Variants in TREH observed in about 807,000 individuals in gnomAD.
The protein encoded by TREH is alpha,alpha-trehalose glucohydrolase.
Under a neutral mutation model 80.5 loss-of-function variants are expected in TREH, and 69 were observed. The observed-to-expected ratio is 0.86, with a 90% CI of 0.71 to 1.05. The LOEUF is 1.05. Among genes scored for constraint, TREH ranks in the 50% least tolerant of loss-of-function variants. The probability of loss-of-function intolerance (pLI) is 0.00; values close to 1 mark genes in which losing one functional copy is unlikely to be tolerated. For missense variants in TREH, 716 were observed against 718.8 expected, an observed-to-expected ratio of 1.00 and a Z score of 0.04; for synonymous variants, 309 against 293.5, an observed-to-expected ratio of 1.05 and a Z score of -0.54.
At chr11:118,679,301 T>C (rs1949510900) in intron 1 of TREH, among the ~76,000 whole-genome samples, 1 of 151,976 alleles carries the variant, frequency 6.6e-6, no homozygotes, top group Non-Finnish European at 1.5e-5. Flanking sequence ...GGTGCCACTG[T>C]ACTCCATCTG....
intron 1 of TREH, 46 bp from the exon 2 acceptor site, chr11:118,663,485 C>A: frequency 6.9e-7 from 1 of 1,450,424 alleles, no homozygotes; most frequent in South Asian, 1.2e-5. Context: ...ACCACCACCC[C>A]ATTAGGACAG....
rs142066582 is a variant in TREH at position 118,674,573 on chromosome 11, G to A, written c.89+4966C>T. ...TGTTTTGTTTTTGAGATGGAGTTTCGCTCTTGTTGCCCAAGCTGGAGTGCA... is the reference window on the plus strand; with the variant it reads ...TGTTTTGTTTTTGAGATGGAGTTTCACTCTTGTTGCCCAAGCTGGAGTGCA... On this transcript the variant is annotated intron_variant, in intron 1 of 14. Transcript: ENST00000264029. This position sits in a 1 kb window ranked among gnomAD's most constrained non-coding sequence, Gnocchi z 4.4. Among the ~76,000 whole-genome samples, 201 of 152,188 alleles carry A rather than the reference G, an allele frequency of 1.3e-3. No individual in the cohort carries two copies. Among genetic ancestry groups the A allele is most frequent in the African/African-American group, 4.4e-3 (181 of 41,526 alleles).
chr11:118,669,188 G>A (rs782033902), intron 1 of TREH, among the ~76,000 whole-genome samples: 1 of 152,130 alleles, frequency 6.6e-6, no homozygotes, highest in Non-Finnish European at 1.5e-5. Context: ...CAAAAGCCAG[G>A]TCATAACAAA....
intron 1 of TREH, among the ~76,000 whole-genome samples, chr11:118,675,966 G>C (rs1404168386): frequency 4.6e-5 from 7 of 152,224 alleles, no homozygotes; most frequent in Non-Finnish European, 1.0e-4. Context: ...GCCTCCCAAA[G>C]TGTTGGGATT....
intron 1 of TREH, among the ~76,000 whole-genome samples, chr11:118,677,806 G>T (rs1949494208): frequency 2.0e-5 from 3 of 152,176 alleles, no homozygotes; most frequent in Non-Finnish European, 4.4e-5. Flanking sequence ...GTTGGTCTTA[G>T]GGAACACCAG....
chr11:118,662,761 A>G, intron 4 of TREH, 120 bp downstream of exon 4: 1 of 1,161,116 alleles, frequency 8.6e-7, no homozygotes, highest in Non-Finnish European at 1.2e-6. Flanking sequence ...CCCAGGGGCC[A>G]GGGACTGGTT....
Position 118,659,856 on chromosome 11 carries a change from A to G in TREH, c.1211T>C (p.Leu404Pro), listed in dbSNP as rs782631624. 1 of 1,554,980 alleles carries G rather than the reference A, an allele frequency of 6.4e-7. No homozygotes were observed. Among genetic ancestry groups the G allele is most frequent in the African/African-American group, 1.4e-5 (1 of 73,288 alleles). Residue 404 changes from leucine to proline, a missense_variant, in exon 11 of 15, where the codon CTT becomes CCT. Physicochemically the swap from Leu to Pro is moderately conservative, Grantham distance 98. Coordinates refer to ENST00000264029, the MANE Select transcript of TREH (RefSeq NM_007180.3). ...CTCCCGGTTTTTCTTCTTCTTCTCA[A>G]GGTCGTAATCGAACCAGGCTCCGGT... ...EQTGAWFDYD[L>P]EKKKKNREFY...
rs559075998 is a variant in TREH at position 118,659,659 on chromosome 11, G to A, written c.1320+88C>T. 7.4e-6 allele frequency: 11 copies of A among 1,483,828 alleles called. No homozygotes were observed. In the African/African-American group the frequency reaches 1.5e-4, roughly 21 times the overall value. 91.9% of individuals were successfully genotyped at this position (1,483,828 alleles called of 1,614,324 possible). A position where few individuals can be genotyped will look rare whatever the true frequency, so the allele number is the denominator to read the frequency against. On this transcript the variant is annotated intron_variant, in intron 11 of 14. Coordinates refer to ENST00000264029, the MANE Select transcript of TREH (RefSeq NM_007180.3). ...GGCTGGGACAAGGGGCATAGCCGGAGGAAGCGCCCTCCCCTGCAGGTCCTG... is the reference window on the plus strand; with the variant it reads ...GGCTGGGACAAGGGGCATAGCCGGAAGAAGCGCCCTCCCCTGCAGGTCCTG...
chr11:118,676,954 T>C lies in TREH; in HGVS notation c.89+2585A>G, dbSNP rs188395338. Among the ~76,000 whole-genome samples, 498 of 152,258 alleles carry C rather than the reference T, an allele frequency of 3.3e-3. 1 individual carries two copies. The highest frequency in any genetic ancestry group is 0.01 in the Middle Eastern group (3 of 294). ...GTGGCTTATACATGAAAGGATTGAC[T>C]CAGCAGGTCTGCTGTGTTCAAACCC... On this transcript the variant is annotated intron_variant, in intron 1 of 14. Coordinates refer to ENST00000264029, the MANE Select transcript of TREH (RefSeq NM_007180.3).
At chr11:118,672,091 T>C (rs1949434455) in intron 1 of TREH, among the ~76,000 whole-genome samples, 1 of 152,136 alleles carries the variant, frequency 6.6e-6, no homozygotes, top group Non-Finnish European at 1.5e-5. Flanking sequence ...AAGAATAGGA[T>C]GTTAACATGC....
In TREH at chr11:118,661,750, G is replaced by A; in HGVS notation, c.525-21C>T. 6.2e-7 allele frequency: 1 copy of A among 1,612,246 alleles called. No homozygotes were observed. The highest frequency in any genetic ancestry group is 8.5e-7 in the Non-Finnish European group (1 of 1,178,554). On this transcript the variant is annotated intron_variant, in intron 5 of 14. Transcript: ENST00000264029. This position sits in a 1 kb window ranked among gnomAD's most constrained non-coding sequence, Gnocchi z 4.2. ...AGTCCCTGGGGAAGGGGCAGCTTAGGCACCACCCTGCTGCCTCCCTCTGCC... is the reference window on the plus strand; with the variant it reads ...AGTCCCTGGGGAAGGGGCAGCTTAGACACCACCCTGCTGCCTCCCTCTGCC...
At position 118,661,183 on chromosome 11, in the gene TREH, A is replaced by G; in HGVS notation, c.834T>C (p.Tyr278=). 6.2e-7 allele frequency: 1 copy of G among 1,613,932 alleles called. No homozygotes were observed. Among genetic ancestry groups the G allele is most frequent in the South Asian group, 1.1e-5 (1 of 91,078 alleles). Residue 278 remains tyrosine (Y), a synonymous_variant, in exon 8 of 15, where the codon TAT becomes TAC. Coordinates refer to ENST00000264029, the MANE Select transcript of TREH (RefSeq NM_007180.3). This position sits in a 1 kb window ranked among gnomAD's most constrained non-coding sequence, Gnocchi z 4.2. ...LEGKNYLLNR[Y]YVPYGGPRPE... is the part of the protein sequence containing the mutation. ...ACCTGGGTCCCCCATAAGGGACATA[A>G]TAGCGATTCAGGAGGTAGTTCTTTC... is the stretch of plus-strand genomic sequence containing the variant.
Position 118,658,739 on chromosome 11 carries a change from G to T in TREH, c.1546-6C>A, listed in dbSNP as rs1279468475. On this transcript the variant is annotated splice_polypyrimidine_tract_variant and splice_region_variant and intron_variant, in intron 13 of 14. Coordinates refer to ENST00000264029, the MANE Select transcript of TREH (RefSeq NM_007180.3). ...CCACCGTTGCTGACGTCATACTGGGGACAAGCGGGTGGGCTGTATGTCAGG... is the reference window on the plus strand; with the variant it reads ...CCACCGTTGCTGACGTCATACTGGGTACAAGCGGGTGGGCTGTATGTCAGG... 1.9e-6 allele frequency: 3 copies of T among 1,607,458 alleles called. No individual in the cohort carries two copies. The highest frequency in any genetic ancestry group is 1.7e-6 in the Non-Finnish European group (2 of 1,176,874).
intron 11 of TREH, 130 bp from the exon 12 acceptor site, chr11:118,659,611 C>T (rs1949286660): frequency 8.1e-6 from 11 of 1,353,612 alleles, no homozygotes; most frequent in East Asian, 5.0e-5. Context: ...AGCTGCCCCC[C>T]GGTGGCTCTG....
At chr11:118,672,591 A>G (rs1275072658) in intron 1 of TREH, among the ~76,000 whole-genome samples, 2 of 151,212 alleles carry the variant, frequency 1.3e-5, no homozygotes, top group Non-Finnish European at 2.9e-5. Flanking sequence ...CATGCCTGTA[A>G]TCACAGCTAC....
chr11:118,679,628 G>A lies in TREH; in HGVS notation c.-1C>T. On this transcript the variant is annotated 5_prime_UTR_variant, in exon 1 of 15. Transcript: ENST00000264029. ...ACAGCTCCCAGGTCCTCCCTGGCATGGTGGCTGTGACTGTGACTGAATGAG... is the reference window on the plus strand; with the variant it reads ...ACAGCTCCCAGGTCCTCCCTGGCATAGTGGCTGTGACTGTGACTGAATGAG... The A allele has an allele frequency of 6.6e-7, 1 of 1,513,860 alleles. No homozygotes were observed. The highest frequency in any genetic ancestry group is 8.9e-7 in the Non-Finnish European group (1 of 1,126,522). 93.8% of individuals were successfully genotyped at this position (1,513,860 alleles called of 1,614,324 possible).
intron 1 of TREH, among the ~76,000 whole-genome samples, chr11:118,677,232 G>A (rs1949489295): frequency 6.6e-6 from 1 of 152,202 alleles, no homozygotes. Flanking sequence ...AAAAACACTG[G>A]ACACCAAGAC....
At chr11:118,667,447 C>CA (rs1949388614) in intron 1 of TREH, among the ~76,000 whole-genome samples, 2 of 152,134 alleles carry the variant, frequency 1.3e-5, no homozygotes, top group African/African-American at 4.8e-5. Flanking sequence ...GTGATCCTCC[C>CA]GGCTTGGCCT....
intron 1 of TREH, among the ~76,000 whole-genome samples, chr11:118,676,661 G>A (rs188587598): frequency 6.1e-4 from 92 of 151,988 alleles, no homozygotes; most frequent in African/African-American, 2.1e-3. Context: ...CAGCTACTTG[G>A]GAGGCTGAGG....
Sources: allele counts gnomAD v4.1 joint callset (sites outside exome capture counted in the v4.1 genomes callset), GRCh38; gene constraint gnomAD v4.1.1; non-coding constraint Gnocchi (gnomAD v3.1); transcripts MANE v1.5; gene names NCBI Gene and HGNC (gene_info 2026-07-23, HGNC 2026-07-21).